The following NRAP variants were observed in gnomAD, a reference collection of about 807,000 sequenced individuals.
The protein encoded by NRAP is nebulin-related-anchoring protein.
In NRAP, 189 loss-of-function variants were observed where a neutral mutation model predicts 225.9. The observed-to-expected ratio is 0.84, with a 90% CI of 0.74 to 0.94. The LOEUF is 0.94. NRAP is among the 40% of genes least tolerant of loss of function. The pLI is 0.00. For synonymous variants in NRAP, 769 were observed against 790.7 expected, an observed-to-expected ratio of 0.97 and a Z score of 0.46; for missense variants, 2,176 against 2,168.7, an observed-to-expected ratio of 1.00 and a Z score of -0.07.
At chr10:113,608,326 T>A (rs892242236) in intron 32 of NRAP, 88 bp downstream of exon 32, 1 of 783,792 alleles carries the variant, frequency 1.3e-6, no homozygotes, top group African/African-American at 1.7e-5. Context: ...ACACCCATGC[T>A]CTTTCTCACC....
At position 113,654,363 on chromosome 10, in the gene NRAP, C is replaced by T. The variant is rs11196405; in HGVS notation, c.361-238G>A. On this transcript the variant is annotated intron_variant, in intron 4 of 41. Transcript: ENST00000359988. ...AAAATTTTGAATGTAACAACATTTT[C>T]TTGCACACCATTGCATCAAGATTGG... is the stretch of plus-strand genomic sequence containing the variant. Among the ~76,000 whole-genome samples, 200 of 152,264 alleles carry T rather than the reference C, an allele frequency of 1.3e-3. 2 individuals carry two copies. The Middle Eastern group carries it at 0.02, about 16-fold the overall frequency.
At chr10:113,600,380 ATGTTGCC>A (rs1846531654) in intron 35 of NRAP, among the ~76,000 whole-genome samples, 1 of 151,914 alleles carries the variant, frequency 6.6e-6, no homozygotes, top group Non-Finnish European at 1.5e-5. Flanking sequence ...GAGTCTCCCT[ATGTTGCC>A]CAAGCTGTTC....
Position 113,653,015 on chromosome 10 carries a change from G to A in NRAP, c.490C>T (p.Pro164Ser). The change falls in exon 6 of 42, where the codon CCC (proline) becomes TCC (serine). Residue 164 changes from proline (P) to serine (S), a missense_variant. Coordinates refer to ENST00000359988, the MANE Select transcript of NRAP (RefSeq NM_198060.4). ...GCTGGAAAGCTCCCCTTGCCCCTGG[G>A]TTGCTCATAGTCTTCTGTATATTCC... is the stretch of plus-strand genomic sequence containing the variant. ...GEEYTEDYEQ[P>S]RGKGSFPAMI... 6.2e-7 allele frequency: 1 copy of A among 1,611,254 alleles called. No individual in the cohort carries two copies. Among genetic ancestry groups the A allele is most frequent in the Non-Finnish European group, 8.5e-7 (1 of 1,179,010 alleles).
At chr10:113,595,229 T>C (rs1217699272) in intron 38 of NRAP, among the ~76,000 whole-genome samples, 3 of 152,190 alleles carry the variant, frequency 2.0e-5, no homozygotes, top group African/African-American at 4.8e-5. Context: ...AGAGCCACTC[T>C]ATCTCCAGTG....
chr10:113,589,737 A>G lies in NRAP; in HGVS notation c.5017T>C (p.Tyr1673His). ...RGVGWTPPGS[Y>H]KVEMARRAAE... ...GCCCGCCGAGCCATTTCCACTTTGT[A>G]GGAGCCAGGAGGGGTCCAGCCAACA... Residue 1673 changes from tyrosine (Y) to histidine (H), a missense_variant, in exon 41 of 42, where the codon TAC becomes CAC. By Grantham distance (83) the Tyr-to-His change is moderately conservative (BLOSUM62 2). Transcript: ENST00000359988. The G allele has an allele frequency of 1.2e-6, 2 of 1,614,194 alleles. No individual in the cohort carries two copies. The highest frequency in any genetic ancestry group is 2.2e-5 in the East Asian group (1 of 44,880).
chr10:113,650,282 G>T, intron 8 of NRAP, 141 bp from the exon 9 acceptor site: 1 of 768,620 alleles, frequency 1.3e-6, no homozygotes, highest in Non-Finnish European at 2.2e-6. Flanking sequence ...AAAAGTGCCA[G>T]GTCATTGTCA....
rs146301257 is a variant in NRAP at position 113,635,708 on chromosome 10, G to A, written c.1429-1498C>T. 1.0e-3 allele frequency among the ~76,000 whole-genome samples: 154 copies of A among 152,230 alleles called. 1 individual carries two copies. The highest frequency in any genetic ancestry group is 3.4e-3 in the African/African-American group (140 of 41,534). ...CTCCTAAAGTGCTGGGATTACAGGC[G>A]TGAGCCACCACACCTGGCCCTCTTT... On this transcript the variant is annotated intron_variant, in intron 14 of 41. Transcript: ENST00000359988.
chr10:113,607,199 T>TCAAA (rs200325806), intron 32 of NRAP, among the ~76,000 whole-genome samples: 13,067 of 140,264 alleles, frequency 0.093, 723 homozygotes, highest in East Asian at 0.23. Flanking sequence ...TGACTCTGTC[T>TCAAA]CAAACAAACA....
At chr10:113,652,823 A>G (rs1850061063) in intron 6 of NRAP, 112 bp downstream of exon 6, 1 of 717,558 alleles carries the variant, frequency 1.4e-6, no homozygotes, top group African/African-American at 1.8e-5. Context: ...TATGACACTA[A>G]TGGTACCTAC....
chr10:113,625,968 G>A lies in NRAP; in HGVS notation c.2244+79C>T, dbSNP rs75226083. The A allele has an allele frequency of 5.5e-3, 4,903 of 896,352 alleles. 181 individuals are homozygous for A. The African/African-American group carries it at 0.073, about 13-fold the overall frequency. The allele number at this position is 896,352 out of a possible 1,614,324, so 55.5% of individuals were successfully genotyped here. On this transcript the variant is annotated intron_variant, in intron 21 of 41. Transcript: ENST00000359988. ...TTTGGTTTCTGGATTGTGCCTGGGC[G>A]GCACCTGCTGTTGTCCCTGGAGGTC...
At chr10:113,596,012 G>T (rs528728601) in intron 37 of NRAP, among the ~76,000 whole-genome samples, 1 of 152,192 alleles carries the variant, frequency 6.6e-6, no homozygotes, top group Non-Finnish European at 1.5e-5. Flanking sequence ...GGCCATACCT[G>T]GGTGTTTTAC....
At chr10:113,595,991 A>G (rs77019481) in intron 37 of NRAP, among the ~76,000 whole-genome samples, 295 of 152,296 alleles carry the variant, frequency 1.9e-3, no homozygotes, top group Non-Finnish European at 2.6e-3. Context: ...CCACAAACCA[A>G]CATCATGGTT....
chr10:113,605,731 G>T (rs1846915844), intron 34 of NRAP, 31 bp downstream of exon 34: 2 of 1,395,694 alleles, frequency 1.4e-6, no homozygotes, highest in East Asian at 4.6e-5. Flanking sequence ...CAGAAATTAG[G>T]CAAGATGGAA....
intron 7 of NRAP, among the ~76,000 whole-genome samples, chr10:113,651,586 G>A (rs1849974146): frequency 6.6e-6 from 1 of 152,094 alleles, no homozygotes; most frequent in Non-Finnish European, 1.5e-5. Flanking sequence ...GTGAGAACAT[G>A]GGGTGTTTGG....
chr10:113,663,060 A>C (rs1235118231), intron 2 of NRAP, among the ~76,000 whole-genome samples: 1 of 152,222 alleles, frequency 6.6e-6, no homozygotes, highest in Non-Finnish European at 1.5e-5. Context: ...AAATACTTCA[A>C]AGCTCTATAT....
chr10:113,619,250 G>C (rs1305119790), intron 25 of NRAP, among the ~76,000 whole-genome samples: 5 of 152,192 alleles, frequency 3.3e-5, no homozygotes, highest in African/African-American at 4.8e-5. Flanking sequence ...ATGGTCTTTA[G>C]TCTTCATTTC....
chr10:113,645,834 G>C lies in NRAP; in HGVS notation c.1101C>G (p.Leu367=), dbSNP rs748083484. ...CTTCCCCCATACGCACCTCACTCAC[G>C]AGTTTGTTTACGCTCTGAGCCTGTT... ...VLKQAQSVNK[L]VSEVEYKKDL... The change falls in exon 11 of 42, where the codon CTC becomes CTG. Residue 367 remains leucine, a synonymous_variant. Transcript: ENST00000359988. The C allele has an allele frequency of 6.3e-7, 1 of 1,576,356 alleles. No homozygotes were observed. The highest frequency in any genetic ancestry group is 1.3e-5 in the African/African-American group (1 of 74,344).
At chr10:113,625,012 G>A (rs1848209022) in intron 21 of NRAP, 82 bp from the exon 22 acceptor site, 2 of 808,088 alleles carry the variant, frequency 2.5e-6, no homozygotes, top group African/African-American at 1.7e-5. Context: ...GTCTCTGTCT[G>A]GTTGGCACTT....
chr10:113,622,108 G>T lies in NRAP; in HGVS notation c.2530C>A (p.Gln844Lys). ...IGAKDVQGDS[Q>K]MSHSLQMSKL... ...GACATTTGCAGTGAGTGGCTCATTT[G>T]CGAATCTCCCTGTACATCTTTTGCC... The change falls in exon 24 of 42, where the codon CAA becomes AAA. Residue 844 changes from glutamine to lysine, a missense_variant. Around this residue, in one of 3 missense-constraint regions of NRAP, gnomAD observed 1,708 missense variants for 1,695.5 expected, o/e 1.01. Coordinates refer to ENST00000359988, the MANE Select transcript of NRAP (RefSeq NM_198060.4). The T allele has an allele frequency of 3.1e-6, 5 of 1,614,030 alleles. No individual in the cohort carries two copies. The highest frequency in any genetic ancestry group is 4.2e-6 in the Non-Finnish European group (5 of 1,179,900).
Sources: allele counts gnomAD v4.1 joint callset (sites outside exome capture counted in the v4.1 genomes callset), GRCh38; gene constraint gnomAD v4.1.1; regional missense constraint gnomAD v4.1.1; transcripts MANE v1.5; gene names NCBI Gene and HGNC (gene_info 2026-07-23, HGNC 2026-07-21).